Variants in TMEM165 observed in about 807,000 individuals in gnomAD.
The protein encoded by TMEM165 is putative divalent cation/proton antiporter TMEM165.
Under a neutral mutation model 30.0 loss-of-function variants are expected in TMEM165, and 19 were observed. The observed-to-expected ratio is 0.63, with a 90% confidence interval of 0.44 to 0.93. The LOEUF (loss-of-function observed/expected upper bound fraction) is 0.93. Ranked by LOEUF, TMEM165 falls within the 40% of genes least tolerant of loss-of-function variation. The pLI is 0.00. For missense variants in TMEM165, 340 were observed against 417.0 expected, an observed-to-expected ratio of 0.82 and a Z score of 1.61; for synonymous variants, 168 against 162.9, an observed-to-expected ratio of 1.03 and a Z score of -0.24.
At chr4:55,420,565 C>T (rs573738268) in intron 4 of TMEM165, among the ~76,000 whole-genome samples, 1 of 152,094 alleles carries the variant, frequency 6.6e-6, no homozygotes, top group Non-Finnish European at 1.5e-5. Context: ...CCCCACATGG[C>T]ACATTCAGTG....
chr4:55,403,899 C>G (rs1560388331), intron 1 of TMEM165, among the ~76,000 whole-genome samples: 1 of 152,136 alleles, frequency 6.6e-6, no homozygotes, highest in Non-Finnish European at 1.5e-5. Flanking sequence ...TATTCTCTCC[C>G]TTCCCATTGC....
At chr4:55,420,446 A>T (rs471546) in intron 4 of TMEM165, among the ~76,000 whole-genome samples, 111,119 of 151,124 alleles carry the variant, frequency 0.74, 42,315 homozygotes, top group East Asian at 0.98. Flanking sequence ...TCTTGCTGTA[A>T]AATCACATTA....
intron 1 of TMEM165, among the ~76,000 whole-genome samples, chr4:55,407,616 A>G (rs1560390129): frequency 6.6e-6 from 1 of 152,004 alleles, no homozygotes; most frequent in Non-Finnish European, 1.5e-5. Flanking sequence ...TTTTTGTTAG[A>G]CTCTGCTCTG....
At chr4:55,451,541 C>A (rs1213706745) in intron 3 of TMEM165, among the ~76,000 whole-genome samples, 3 of 152,164 alleles carry the variant, frequency 2.0e-5, no homozygotes, top group Non-Finnish European at 4.4e-5. Context: ...CTCAGAAGGA[C>A]CTCGTCCCTA....
At chr4:55,401,499 C>T (rs1318019063) in intron 1 of TMEM165, among the ~76,000 whole-genome samples, 1 of 150,736 alleles carries the variant, frequency 6.6e-6, no homozygotes, top group African/African-American at 2.5e-5. Flanking sequence ...TTGCATAGCA[C>T]TTCTAATAAA....
intron 3 of TMEM165, among the ~76,000 whole-genome samples, chr4:55,440,011 AATAAAAATTTTT>A (rs1723222621): frequency 6.6e-6 from 1 of 152,152 alleles, no homozygotes; most frequent in Admixed American, 6.5e-5. Flanking sequence ...ATTTTTCCAC[AATAAAAATTTTT>A]TTTAATCTAT....
At chr4:55,427,662 C>T (rs552844956), downstream of TMEM165, among the ~76,000 whole-genome samples, 14 of 152,084 alleles carry the variant, frequency 9.2e-5, no homozygotes, top group South Asian at 1.7e-3. Context: ...CTAATAACAA[C>T]AGAAAAGACA....
At position 55,396,161 on chromosome 4, in the gene TMEM165, G is replaced by T. The variant is rs1322046020; in HGVS notation, c.-29G>T. ...CGTCGCCGGCACTTCCTCTTGCGGCGCCCGTGCGCGGCCGGCCCGGCAGGC... is the reference window on the plus strand; with the variant it reads ...CGTCGCCGGCACTTCCTCTTGCGGCTCCCGTGCGCGGCCGGCCCGGCAGGC... On this transcript the variant is annotated 5_prime_UTR_variant, in exon 1 of 6. Transcript: ENST00000381334. The T allele has an allele frequency of 1.1e-5, 15 of 1,338,752 alleles. No homozygotes were observed. The highest frequency in any genetic ancestry group is 1.4e-5 in the Non-Finnish European group (15 of 1,057,582). 82.9% of individuals were successfully genotyped at this position (1,338,752 alleles called of 1,614,324 possible).
chr4:55,397,197 A>C (rs576244775), intron 1 of TMEM165: 1 of 152,198 alleles, frequency 6.6e-6, no homozygotes, highest in East Asian at 1.9e-4. Context: ...ACTCCCACCC[A>C]GGCCACATCC....
intron 1 of TMEM165, among the ~76,000 whole-genome samples, chr4:55,402,299 A>G (rs1174351624): frequency 2.1e-5 from 3 of 145,624 alleles, no homozygotes; most frequent in Admixed American, 6.8e-5. Flanking sequence ...TAGTGAAACC[A>G]TTCACAAAAA....
At chr4:55,450,115 G>A (rs1577699438) in intron 3 of TMEM165, 3 of 1,614,036 alleles carry the variant, frequency 1.9e-6, no homozygotes, top group African/African-American at 2.7e-5. Flanking sequence ...ACGGCCGTGT[G>A]AGATGATTTT....
At chr4:55,423,389 C>G (rs947906799) in intron 4 of TMEM165, 1 of 152,226 alleles carries the variant, frequency 6.6e-6, no homozygotes, top group Non-Finnish European at 1.5e-5. Flanking sequence ...AGTGGATCAC[C>G]CTTCCTTCAG....
intron 1 of TMEM165, among the ~76,000 whole-genome samples, chr4:55,407,347 A>C (rs1039337653): frequency 3.3e-5 from 5 of 152,218 alleles, no homozygotes; most frequent in African/African-American, 9.6e-5. Context: ...GGCTGTGAGC[A>C]CTTGATATGT....
intron 3 of TMEM165, among the ~76,000 whole-genome samples, chr4:55,446,101 CTTTTTTTTTTTT>C (rs766235766): frequency 9.3e-6 from 1 of 107,372 alleles, no homozygotes; most frequent in Non-Finnish European, 1.9e-5. Context: ...AATTTAACTT[CTTTTTTTTTTTT>C]TTTTTTTTGA....
intron 4 of TMEM165, among the ~76,000 whole-genome samples, chr4:55,421,100 T>G (rs1407634237): frequency 7.0e-6 from 1 of 143,854 alleles, no homozygotes; most frequent in Non-Finnish European, 1.5e-5. Flanking sequence ...GAGAATCTCT[T>G]GAACCCGGGT....
Position 55,396,293 on chromosome 4 carries a change from C to A in TMEM165, c.104C>A (p.Pro35Gln). 6.5e-7 allele frequency: 1 copy of A among 1,530,380 alleles called. No individual in the cohort carries two copies. Among genetic ancestry groups the A allele is most frequent in the East Asian group, 2.6e-5 (1 of 38,212 alleles). 94.8% of individuals were successfully genotyped at this position (1,530,380 alleles called of 1,614,324 possible). A position where few individuals can be genotyped will look rare whatever the true frequency, so the allele number is the denominator to read the frequency against. ...GCCCCGGCTGCGGTCCGGGCCGGCCCAGATGAAGACCTTAGCCACCGGAAC... is the reference window on the plus strand; with the variant it reads ...GCCCCGGCTGCGGTCCGGGCCGGCCAAGATGAAGACCTTAGCCACCGGAAC... ...LWAPAAVRAG[P>Q]DEDLSHRNKE... The change falls in exon 1 of 6, where the codon CCA becomes CAA. Residue 35 changes from proline (P) to glutamine (Q), a missense_variant. Transcript: ENST00000381334.
chr4:55,404,009 TTTC>T (rs1027803483), intron 1 of TMEM165, among the ~76,000 whole-genome samples: 4 of 151,552 alleles, frequency 2.6e-5, no homozygotes, highest in Non-Finnish European at 5.9e-5. Flanking sequence ...TTAGTTTCGT[TTTC>T]TTTCCTTCCT....
At chr4:55,442,134 G>C in intron 3 of TMEM165, 1 of 315,272 alleles carries the variant, frequency 3.2e-6, no homozygotes, top group Non-Finnish European at 5.9e-6. Flanking sequence ...AAAGACAAAA[G>C]CTTCACAGTG....
intron 3 of TMEM165, chr4:55,433,970 A>C (rs1486706111): frequency 6.6e-6 from 1 of 152,446 alleles, no homozygotes; most frequent in Non-Finnish European, 1.5e-5. Flanking sequence ...CTGATTTAGG[A>C]AACAATTTTA....
Sources: allele counts gnomAD v4.1 joint callset (sites outside exome capture counted in the v4.1 genomes callset), GRCh38; gene constraint gnomAD v4.1.1; transcripts MANE v1.5; gene names NCBI Gene and HGNC (gene_info 2026-07-23, HGNC 2026-07-21).